Variants in TRPC7 observed in about 807,000 individuals in gnomAD.
The protein encoded by TRPC7 is short transient receptor potential channel 7.
Under a neutral mutation model 90.1 loss-of-function variants are expected in TRPC7, and 42 were observed. The ratio of observed to expected loss-of-function variants is 0.47; its 90% CI spans 0.36 to 0.60. The LOEUF (loss-of-function observed/expected upper bound fraction) is 0.60. TRPC7 is among the 20% of genes least tolerant of loss of function. The probability of loss-of-function intolerance (pLI) is 0.00; values close to 1 mark genes in which losing one functional copy is unlikely to be tolerated. For synonymous variants in TRPC7, 451 were observed against 436.3 expected, an observed-to-expected ratio of 1.03 and a Z score of -0.42; for missense variants, 955 against 1,112.3, an observed-to-expected ratio of 0.86 and a Z score of 2.01.
At chr5:136,299,079 G>T (rs912136976) in intron 3 of TRPC7, among the ~76,000 whole-genome samples, 21 of 151,918 alleles carry the variant, frequency 1.4e-4, no homozygotes, top group Non-Finnish European at 4.4e-5. Context: ...GTTGGGGGTG[G>T]TCACCTGAGG....
chr5:136,251,129 T>A (rs1756504919), intron 6 of TRPC7, among the ~76,000 whole-genome samples: 1 of 152,198 alleles, frequency 6.6e-6, no homozygotes, highest in Admixed American at 6.5e-5. Flanking sequence ...AGTCTCAATC[T>A]ACTACATCAA....
rs1757033731 is a variant in TRPC7, at chr5:136,266,415, G to C, written c.1150C>G (p.Pro384Ala). The C allele has an allele frequency of 1.2e-6, 2 of 1,613,488 alleles. No individual in the cohort carries two copies. The highest frequency in any genetic ancestry group is 2.2e-5 in the South Asian group (2 of 91,058). Residue 384 changes from proline (P) to alanine (A), a missense_variant, in exon 5 of 12, where the codon CCT (proline) becomes GCT (alanine). By Grantham distance (27) the Pro-to-Ala change is conservative. Around this residue, in one of 4 missense-constraint regions of TRPC7, gnomAD observed 484 missense variants for 509.6 expected, o/e 0.95. Transcript: ENST00000513104. Reference protein sequence around the residue: ...CSKLGRTLRSPFMKFVAHAVS... With the variant: ...CSKLGRTLRSAFMKFVAHAVS... ...GCATGAGCTACAAACTTCATGAAAG[G>C]GCTCCTCAGGGTTCGTCCTAGCTGG...
chr5:136,236,916 G>A (rs1407493218), intron 7 of TRPC7, among the ~76,000 whole-genome samples: 1 of 152,164 alleles, frequency 6.6e-6, no homozygotes, highest in Non-Finnish European at 1.5e-5. Context: ...TAAGCAGGAG[G>A]ATCAGCCTTT....
At chr5:136,297,444 A>C (rs1393395305) in intron 3 of TRPC7, among the ~76,000 whole-genome samples, 1 of 152,182 alleles carries the variant, frequency 6.6e-6, no homozygotes, top group African/African-American at 2.4e-5. Context: ...AGCATAAAAA[A>C]ATGAATTCAT....
chr5:136,244,368 G>A (rs957784269), intron 7 of TRPC7, among the ~76,000 whole-genome samples: 13 of 152,276 alleles, frequency 8.5e-5, no homozygotes, highest in Admixed American at 7.2e-4. Context: ...CTGATCTTCT[G>A]AGGGAGTGAG....
chr5:136,244,460 G>C (rs544669515), intron 7 of TRPC7, among the ~76,000 whole-genome samples: 1 of 152,216 alleles, frequency 6.6e-6, no homozygotes, highest in Non-Finnish European at 1.5e-5. Flanking sequence ...GTAGGAACAG[G>C]ATAGAAGTGC....
intron 2 of TRPC7, among the ~76,000 whole-genome samples, chr5:136,350,784 A>G (rs1378436391): frequency 6.6e-6 from 1 of 152,172 alleles, no homozygotes. Context: ...TGGCAGTTCC[A>G]TCAACTCATC....
intron 3 of TRPC7, among the ~76,000 whole-genome samples, chr5:136,295,940 G>A (rs530794642): frequency 2.0e-5 from 3 of 152,182 alleles, no homozygotes; most frequent in South Asian, 2.1e-4. Flanking sequence ...TCCTGTATAC[G>A]CCATCAAACC....
intron 2 of TRPC7, among the ~76,000 whole-genome samples, chr5:136,326,861 G>T (rs1296169269): frequency 1.3e-5 from 2 of 152,186 alleles, no homozygotes; most frequent in African/African-American, 4.8e-5. Context: ...GATATGAAAG[G>T]AAGACAGGAC....
At chr5:136,304,486 C>G (rs1457168824) in intron 3 of TRPC7, among the ~76,000 whole-genome samples, 2 of 152,142 alleles carry the variant, frequency 1.3e-5, no homozygotes, top group Non-Finnish European at 2.9e-5. Context: ...CCTGTCCACC[C>G]CGTGGTGCCA....
chr5:136,278,710 G>A (rs938625115), intron 3 of TRPC7, among the ~76,000 whole-genome samples: 11 of 152,132 alleles, frequency 7.2e-5, no homozygotes, highest in Non-Finnish European at 1.5e-4. Flanking sequence ...TAAGCTCAAG[G>A]GGATTTTGGG....
chr5:136,253,887 T>A (rs1351549809), intron 5 of TRPC7, among the ~76,000 whole-genome samples: 1 of 152,248 alleles, frequency 6.6e-6, no homozygotes, highest in African/African-American at 2.4e-5. Context: ...CTAGGCCTTT[T>A]GTGCCAGACA....
At position 136,264,217 on chromosome 5, in the gene TRPC7, T is replaced by C. The variant is rs79960002; in HGVS notation, c.1345+2003A>G. Reference sequence around the variant, plus strand: ...GCTCTGACACCCAGGAAGAGAAATATGAGGACTCAGGAGGAAGTCCTCATT... The same window carrying C: ...GCTCTGACACCCAGGAAGAGAAATACGAGGACTCAGGAGGAAGTCCTCATT... On this transcript the variant is annotated intron_variant, in intron 5 of 11. Coordinates refer to ENST00000513104, the MANE Select transcript of TRPC7 (RefSeq NM_020389.3). Among the ~76,000 whole-genome samples the C allele has an allele frequency of 7.4e-3, 1,129 of 152,276 alleles. 17 individuals are homozygous for C. The highest frequency in any genetic ancestry group is 0.026 in the African/African-American group (1,086 of 41,540).
intron 1 of TRPC7, among the ~76,000 whole-genome samples, chr5:136,359,273 C>T (rs1011589451): frequency 2.0e-5 from 3 of 152,184 alleles, no homozygotes; most frequent in Admixed American, 1.3e-4. Context: ...GGAGCTGAGT[C>T]ACACTTCCCT....
intron 2 of TRPC7, among the ~76,000 whole-genome samples, chr5:136,353,534 C>T (rs1160621629): frequency 1.3e-5 from 2 of 152,168 alleles, no homozygotes; most frequent in Admixed American, 1.3e-4. Flanking sequence ...AGAAGACACT[C>T]TCTTGCTCTT....
intron 11 of TRPC7, among the ~76,000 whole-genome samples, chr5:136,214,799 T>C (rs1459730776): frequency 1.3e-5 from 2 of 152,158 alleles, no homozygotes; most frequent in Non-Finnish European, 2.9e-5. Flanking sequence ...CTTTCTGTAG[T>C]TCCCTGTGGC....
chr5:136,286,423 G>A lies in TRPC7; in HGVS notation c.964-11586C>T, dbSNP rs557753753. Among the ~76,000 whole-genome samples, 330 of 152,296 alleles carry A rather than the reference G, an allele frequency of 2.2e-3. 1 individual carries two copies. Among genetic ancestry groups the A allele is most frequent in the African/African-American group, 7.2e-3 (299 of 41,570 alleles). ...TATCTCCTGAGACAGTTACCTCTTA[G>A]AAGGCAGCTGCCATACTATAGTCCA... On this transcript the variant is annotated intron_variant, in intron 3 of 11. Transcript: ENST00000513104.
At chr5:136,219,178 AG>A (rs34685293) in intron 10 of TRPC7, among the ~76,000 whole-genome samples, 1 of 152,194 alleles carries the variant, frequency 6.6e-6, no homozygotes, top group Non-Finnish European at 1.5e-5. Flanking sequence ...CCCTTGAAGA[AG>A]GGGGTCTCTG....
At position 136,225,370 on chromosome 5, in the gene TRPC7, A is replaced by T. The variant is rs3734124; in HGVS notation, c.2263-16T>A. The stretch of plus-strand genomic sequence containing the variant: ...AGCGAGTCTTCTGGATAAAACAAAC[A>T]AACCCACACACATCACACAGAAAAA... On this transcript the variant is annotated splice_polypyrimidine_tract_variant and intron_variant, in intron 9 of 11. Coordinates refer to ENST00000513104, the MANE Select transcript of TRPC7 (RefSeq NM_020389.3). The T allele has an allele frequency of 6.2e-7, 1 of 1,609,390 alleles. No homozygotes were observed. Among genetic ancestry groups the T allele is most frequent in the African/African-American group, 1.3e-5 (1 of 74,640 alleles).
Sources: gnomAD v4.1 joint callset for allele counts (sites outside exome capture counted in the v4.1 genomes callset) on GRCh38, gnomAD v4.1.1 for gene constraint, gnomAD v4.1.1 regional missense constraint, MANE v1.5 for transcripts, NCBI Gene and HGNC (gene_info 2026-07-23, HGNC 2026-07-21) for gene names.